Variants in ERI3 observed in about 807,000 individuals in gnomAD.
The protein encoded by ERI3 is ERI1 exoribonuclease 3.
A neutral mutation model predicts 44.4 loss-of-function variants in ERI3; 18 were observed. That is an observed-to-expected ratio of 0.41 (90% CI 0.28 to 0.60). The LOEUF is 0.60. Ranked by LOEUF, ERI3 falls within the 20% of genes least tolerant of loss-of-function variation. The pLI, the probability that ERI3 is intolerant of heterozygous loss-of-function variation, is 0.36. For synonymous variants in ERI3, 183 were observed against 164.8 expected (o/e 1.11, Z -0.84); for missense variants, 294 against 435.5 (o/e 0.68, Z 2.89).
At chr1:44,309,000 C>T (rs1239754778) in intron 5 of ERI3, among the ~76,000 whole-genome samples, 2 of 152,200 alleles carry the variant, frequency 1.3e-5, no homozygotes, top group Non-Finnish European at 1.5e-5. Context: ...AACTGGCCCC[C>T]AATTTCGTAT....
At chr1:44,232,834 A>G (rs775109196) in intron 8 of ERI3, among the ~76,000 whole-genome samples, 3 of 152,174 alleles carry the variant, frequency 2.0e-5, no homozygotes, top group Non-Finnish European at 4.4e-5. Flanking sequence ...AACTAGGTAC[A>G]CACTGATTAT....
At position 44,241,505 on chromosome 1, in the gene ERI3, A is replaced by G. The variant is rs1644433338; in HGVS notation, c.931+6434T>C. Among the ~76,000 whole-genome samples, 1 of 146,968 alleles carries G rather than the reference A, an allele frequency of 6.8e-6. No individual in the cohort carries two copies. Among genetic ancestry groups the G allele is most frequent in the African/African-American group, 2.5e-5 (1 of 40,412 alleles). On this transcript the variant is annotated intron_variant, in intron 8 of 8. Transcript: ENST00000372257. This position sits in a 1 kb window ranked among gnomAD's most constrained non-coding sequence, Gnocchi z 5.6. ...TAACACTCCCACCCACCCCCAGCCCATTACTCCTCTGAGTAGGAGCAGCCA... is the reference window on the plus strand; with the variant it reads ...TAACACTCCCACCCACCCCCAGCCCGTTACTCCTCTGAGTAGGAGCAGCCA...
intron 5 of ERI3, among the ~76,000 whole-genome samples, chr1:44,311,709 TCCTCCAGGATCC>T (rs1557841787): frequency 6.6e-6 from 1 of 152,024 alleles, no homozygotes; most frequent in Non-Finnish European, 1.5e-5. Flanking sequence ...GCAAGTATCT[TCCTCCAGGATCC>T]CAGCTACAGA....
intron 3 of ERI3, among the ~76,000 whole-genome samples, chr1:44,321,812 T>C (rs1646210070): frequency 6.6e-6 from 1 of 152,200 alleles, no homozygotes; most frequent in South Asian, 2.1e-4. Context: ...CAACTGTACT[T>C]TTCATTTAAA....
chr1:44,311,863 A>G (rs1448612079), intron 5 of ERI3, among the ~76,000 whole-genome samples: 1 of 152,100 alleles, frequency 6.6e-6, no homozygotes, highest in African/African-American at 2.4e-5. Context: ...GGAGCAGTCC[A>G]TGCTAAGGAG....
At chr1:44,350,544 G>A (rs1646867810) in intron 2 of ERI3, among the ~76,000 whole-genome samples, 1 of 152,176 alleles carries the variant, frequency 6.6e-6, no homozygotes, top group East Asian at 1.9e-4. Flanking sequence ...TTATGAGCAT[G>A]AGCCACCGTG....
intron 3 of ERI3, among the ~76,000 whole-genome samples, chr1:44,324,119 C>T (rs1210304949): frequency 6.6e-6 from 1 of 152,194 alleles, no homozygotes; most frequent in East Asian, 1.9e-4. Context: ...GTGTGATCTC[C>T]AGCACCTAAT....
At chr1:44,338,789 CG>C (rs1184784673) in intron 3 of ERI3, among the ~76,000 whole-genome samples, 1 of 151,990 alleles carries the variant, frequency 6.6e-6, no homozygotes, top group Admixed American at 6.6e-5. Context: ...AAAGGAAGGA[CG>C]GGAGAAGGAA....
chr1:44,328,011 G>A (rs1476275604), intron 3 of ERI3, among the ~76,000 whole-genome samples: 4 of 152,198 alleles, frequency 2.6e-5, no homozygotes, highest in African/African-American at 7.2e-5. Context: ...CTGGGCTACA[G>A]GAGGCCTTGC....
intron 3 of ERI3, among the ~76,000 whole-genome samples, chr1:44,324,949 T>A (rs534820400): frequency 1.3e-5 from 2 of 152,308 alleles, no homozygotes; most frequent in East Asian, 1.9e-4. Flanking sequence ...TTGTACCTAC[T>A]GTCTCCCTCA....
At chr1:44,236,200 G>A (rs1250667913) in intron 8 of ERI3, among the ~76,000 whole-genome samples, 1 of 152,122 alleles carries the variant, frequency 6.6e-6, no homozygotes, top group African/African-American at 2.4e-5. Flanking sequence ...ACCCAGGGGT[G>A]GGCCAGGGCC....
At chr1:44,258,998 T>C (rs999489389) in intron 7 of ERI3, among the ~76,000 whole-genome samples, 2 of 152,096 alleles carry the variant, frequency 1.3e-5, no homozygotes, top group African/African-American at 4.8e-5. Context: ...TACTGTAATA[T>C]GATGGAGAGT....
At chr1:44,294,443 A>G (rs531996420) in intron 6 of ERI3, among the ~76,000 whole-genome samples, 1 of 152,356 alleles carries the variant, frequency 6.6e-6, no homozygotes, top group East Asian at 1.9e-4. Context: ...CTGTGGAACC[A>G]TATGACAAGC....
intron 8 of ERI3, among the ~76,000 whole-genome samples, chr1:44,247,366 G>T (rs1644576052): frequency 6.6e-6 from 1 of 152,110 alleles, no homozygotes; most frequent in South Asian, 2.1e-4. Context: ...TCCCCTTGAG[G>T]GTATACCCCC....
intron 1 of ERI3, chr1:44,354,295 T>C: frequency 5.1e-6 from 5 of 985,440 alleles, no homozygotes; most frequent in Non-Finnish European, 6.0e-6. Flanking sequence ...ATGGGCACTA[T>C]TTGTTGCAAA....
At chr1:44,334,941 A>C (rs1158823017) in intron 3 of ERI3, among the ~76,000 whole-genome samples, 1 of 152,208 alleles carries the variant, frequency 6.6e-6, no homozygotes, top group Non-Finnish European at 1.5e-5. Context: ...CCCCACATTA[A>C]GCCTCCAAAT....
At chr1:44,289,250 A>G (rs1005362158) in intron 6 of ERI3, among the ~76,000 whole-genome samples, 1 of 152,204 alleles carries the variant, frequency 6.6e-6, no homozygotes, top group Non-Finnish European at 1.5e-5. Flanking sequence ...GGCCCCTTTA[A>G]GGAAGGGTCC....
chr1:44,221,306 G>T lies in ERI3; in HGVS notation c.*252C>A. On this transcript the variant is annotated 3_prime_UTR_variant, in exon 9 of 9. Transcript: ENST00000372257. The surrounding 1 kb of genome is among the most constrained non-coding windows in gnomAD (Gnocchi z 5.9). ...GGTCCCCCTAGCCCAGGCCCGCAAT[G>T]GGAGGGGCTGATACTGGGCTGAGAT... is the stretch of plus-strand genomic sequence containing the variant. The T allele has an allele frequency of 1.9e-6, 1 of 521,334 alleles. No homozygotes were observed. Among genetic ancestry groups the T allele is most frequent in the Non-Finnish European group, 3.4e-6 (1 of 289,892 alleles). 32.3% of individuals were successfully genotyped at this position (521,334 alleles called of 1,614,324 possible).
intron 1 of ERI3, chr1:44,354,137 C>T: frequency 1.0e-6 from 1 of 985,428 alleles, no homozygotes; most frequent in Non-Finnish European, 1.2e-6. Flanking sequence ...ACTCATTTAG[C>T]CACTCACAAC....
Sources: gnomAD v4.1 joint callset for allele counts (sites outside exome capture counted in the v4.1 genomes callset) on GRCh38, gnomAD v4.1.1 for gene constraint, Gnocchi (gnomAD v3.1) non-coding constraint, MANE v1.5 for transcripts, NCBI Gene and HGNC (gene_info 2026-07-23, HGNC 2026-07-21) for gene names.